Variants in CHRM3 observed in about 807,000 individuals in gnomAD.
CHRM3 encodes muscarinic acetylcholine receptor M3.
CHRM3 carries 11 observed loss-of-function variants against 41.8 expected under a neutral mutation model. The ratio of observed to expected loss-of-function variants is 0.26; its 90% CI spans 0.17 to 0.44. The LOEUF is 0.44. Ranked by LOEUF, CHRM3 falls within the 20% of genes least tolerant of loss-of-function variation. CHRM3 has a pLI of 1.00. For synonymous variants in CHRM3, 297 were observed against 301.4 expected, an observed-to-expected ratio of 0.99 and a Z score of 0.15; for missense variants, 571 against 745.4, an observed-to-expected ratio of 0.77 and a Z score of 2.72.
chr1:239,740,762 T>G (rs1044255090), intron 5 of CHRM3, among the ~76,000 whole-genome samples: 1 of 152,062 alleles, frequency 6.6e-6, no homozygotes, highest in African/African-American at 2.4e-5. Context: ...AAAACCATAA[T>G]GAGATACCAT....
intron 3 of CHRM3, among the ~76,000 whole-genome samples, chr1:239,589,640 A>C (rs1273175721): frequency 8.9e-4 from 1 of 1,126 alleles, no homozygotes; most frequent in Non-Finnish European, 3.0e-3. Context: ...ATAAAAAACT[A>C]TATATATATA....
At chr1:239,535,781 A>T (rs1160330686) in intron 2 of CHRM3, among the ~76,000 whole-genome samples, 1 of 152,032 alleles carries the variant, frequency 6.6e-6, no homozygotes, top group East Asian at 1.9e-4. Context: ...AGACAACATC[A>T]TGGAGGTCAG....
chr1:239,408,503 A>T (rs6677111), intron 1 of CHRM3, among the ~76,000 whole-genome samples: 7 of 143,094 alleles, frequency 4.9e-5, no homozygotes, highest in African/African-American at 1.3e-4. Flanking sequence ...CAGCCTGGGC[A>T]ACAGAGAGAG....
At chr1:239,702,263 C>CTATA (rs1558468585) in intron 5 of CHRM3, among the ~76,000 whole-genome samples, 1 of 152,026 alleles carries the variant, frequency 6.6e-6, no homozygotes, top group East Asian at 1.9e-4. Flanking sequence ...TAACCTATAC[C>CTATA]CAGTTATTCT....
intron 4 of CHRM3, among the ~76,000 whole-genome samples, chr1:239,635,766 G>T (rs1439201913): frequency 6.6e-6 from 1 of 152,166 alleles, no homozygotes; most frequent in Non-Finnish European, 1.5e-5. Flanking sequence ...GCAGGGCCTT[G>T]TCTGTTTCCT....
At chr1:239,525,980 A>T (rs1669968723) in intron 2 of CHRM3, among the ~76,000 whole-genome samples, 1 of 152,216 alleles carries the variant, frequency 6.6e-6, no homozygotes, top group South Asian at 2.1e-4. Context: ...AAAGCTTCTC[A>T]AATGCTTCTA....
At chr1:239,812,611 A>G (rs1381055893) in intron 5 of CHRM3, among the ~76,000 whole-genome samples, 1 of 152,242 alleles carries the variant, frequency 6.6e-6, no homozygotes, top group Non-Finnish European at 1.5e-5. Context: ...ACTTACACTA[A>G]TTGTGTTTTT....
intron 5 of CHRM3, among the ~76,000 whole-genome samples, chr1:239,780,321 T>C (rs905688158): frequency 1.3e-5 from 2 of 152,228 alleles, no homozygotes; most frequent in Non-Finnish European, 2.9e-5. Flanking sequence ...ATTTTTGCTA[T>C]TCTAATAGGT....
intron 6 of CHRM3, among the ~76,000 whole-genome samples, chr1:239,866,193 C>T (rs984188181): frequency 3.9e-5 from 6 of 152,176 alleles, no homozygotes; most frequent in Non-Finnish European, 5.9e-5. Flanking sequence ...CTGGCTAACA[C>T]GGTGAAACCC....
chr1:239,716,075 A>G (rs1278122485), intron 5 of CHRM3, among the ~76,000 whole-genome samples: 3 of 151,990 alleles, frequency 2.0e-5, no homozygotes, highest in Admixed American at 2.0e-4. Context: ...ATTCTGGAGG[A>G]AAATGTGGAG....
chr1:239,418,014 CCGGGTCT>C (rs1661640820), intron 1 of CHRM3, among the ~76,000 whole-genome samples: 1 of 152,150 alleles, frequency 6.6e-6, no homozygotes, highest in African/African-American at 2.4e-5. Context: ...GACTGTAGTG[CCGGGTCT>C]TTTAACTCCA....
chr1:239,686,009 G>C (rs2149120170), intron 5 of CHRM3, among the ~76,000 whole-genome samples: 1 of 151,932 alleles, frequency 6.6e-6, no homozygotes, highest in Middle Eastern at 3.4e-3. Context: ...CAAAAAAACT[G>C]TGTTCTGTCG....
At chr1:239,903,575 G>T (rs1437710565) in intron 6 of CHRM3, among the ~76,000 whole-genome samples, 1 of 152,142 alleles carries the variant, frequency 6.6e-6, no homozygotes, top group Admixed American at 6.6e-5. Flanking sequence ...AGGCAACAAA[G>T]GAAAGGCAAG....
chr1:239,502,111 C>T (rs1668281786), intron 2 of CHRM3, among the ~76,000 whole-genome samples: 1 of 151,720 alleles, frequency 6.6e-6, no homozygotes, highest in Admixed American at 6.6e-5. Context: ...AACAAGCAAA[C>T]AAGAAAAATA....
intron 6 of CHRM3, chr1:239,898,210 A>G (rs562830911): frequency 1.2e-4 from 18 of 152,214 alleles, no homozygotes; most frequent in Non-Finnish European, 2.4e-4. Context: ...TCTGTTTGAT[A>G]TCCTCCGCGA....
chr1:239,700,541 T>G (rs139205013), intron 5 of CHRM3, among the ~76,000 whole-genome samples: 2 of 152,288 alleles, frequency 1.3e-5, no homozygotes, highest in East Asian at 3.9e-4. Flanking sequence ...CTCAGAACTT[T>G]GAAAAGCGCT....
At chr1:239,679,869 C>T (rs1278827841) in intron 5 of CHRM3, among the ~76,000 whole-genome samples, 1 of 152,068 alleles carries the variant, frequency 6.6e-6, no homozygotes, top group Non-Finnish European at 1.5e-5. Flanking sequence ...TTAATTTCTG[C>T]GTCTAACCCA....
intron 6 of CHRM3, among the ~76,000 whole-genome samples, chr1:239,888,380 G>T (rs1183507218): frequency 6.6e-6 from 1 of 150,682 alleles, no homozygotes; most frequent in Non-Finnish European, 1.5e-5. Flanking sequence ...AAAAAAAAAG[G>T]AAAAAAGAAA....
At chr1:239,400,618 T>G (rs756060353) in intron 1 of CHRM3, among the ~76,000 whole-genome samples, 1 of 152,198 alleles carries the variant, frequency 6.6e-6, no homozygotes, top group Non-Finnish European at 1.5e-5. Context: ...CAATTTGATA[T>G]GATTTTTGTA....
Sources: allele counts gnomAD v4.1 joint callset (sites outside exome capture counted in the v4.1 genomes callset), GRCh38; gene constraint gnomAD v4.1.1; transcripts MANE v1.5; gene names NCBI Gene and HGNC (gene_info 2026-07-23, HGNC 2026-07-21).